The following RALGPS1 variants were observed in gnomAD, a reference collection of about 807,000 sequenced individuals.
RALGPS1 encodes the protein ras-specific guanine nucleotide-releasing factor RalGPS1.
Under a neutral mutation model 78.8 loss-of-function variants are expected in RALGPS1, and 19 were observed. That is an observed-to-expected ratio of 0.24 (90% CI 0.17 to 0.35). The LOEUF (loss-of-function observed/expected upper bound fraction) is 0.35, where lower values mean the gene tolerates loss of function less well. Ranked by LOEUF, RALGPS1 falls within the 10% of genes least tolerant of loss-of-function variation. The pLI is 1.00. For missense variants in RALGPS1, 454 were observed against 688.3 expected, an observed-to-expected ratio of 0.66 and a Z score of 3.81; for synonymous variants, 228 against 256.3, an observed-to-expected ratio of 0.89 and a Z score of 1.06.
rs1326305632 is a variant in RALGPS1, at chr9:127,066,088, T to G, written c.484-3142T>G. Among the ~76,000 whole-genome samples the G allele has an allele frequency of 2.0e-5, 3 of 152,300 alleles. No homozygotes were observed. The East Asian group carries it at 5.8e-4, about 29-fold the overall frequency. ...GCATAGAAGATAGGCTGATCAGCTC[T>G]GAGGTGCTGTCCATACAGGCACTTG... On this transcript the variant is annotated intron_variant, in intron 7 of 18. Transcript: ENST00000259351.
chr9:127,045,762 TACACACACACACAC>T (rs59773981), intron 5 of RALGPS1, among the ~76,000 whole-genome samples: 21 of 137,148 alleles, frequency 1.5e-4, no homozygotes, highest in East Asian at 1.3e-3. Flanking sequence ...CACACACACA[TACACACACACACAC>T]ACACACACAC....
chr9:127,030,655 A>G (rs2046351545), intron 4 of RALGPS1, among the ~76,000 whole-genome samples: 1 of 151,962 alleles, frequency 6.6e-6, no homozygotes, highest in Admixed American at 6.6e-5. Flanking sequence ...TGTTATTAAT[A>G]TTAATGGGAG....
intron 8 of RALGPS1, chr9:127,079,642 C>T (rs1383768864): frequency 6.6e-6 from 1 of 152,118 alleles, no homozygotes; most frequent in East Asian, 1.9e-4. Context: ...TGAAGAGGCC[C>T]GTGTGGCACG....
At chr9:127,076,257 T>A (rs2050673266) in intron 8 of RALGPS1, among the ~76,000 whole-genome samples, 1 of 152,100 alleles carries the variant, frequency 6.6e-6, no homozygotes, top group Non-Finnish European at 1.5e-5. Flanking sequence ...ATTTAGGGGG[T>A]GTTTTGTTCT....
At chr9:127,177,699 T>C (rs1337501977) in intron 11 of RALGPS1, among the ~76,000 whole-genome samples, 1 of 152,116 alleles carries the variant, frequency 6.6e-6, no homozygotes, top group Non-Finnish European at 1.5e-5. Context: ...AAAGTGCTAA[T>C]TGGGGGCCTC....
At chr9:127,121,690 C>A (rs1036399772) in intron 8 of RALGPS1, among the ~76,000 whole-genome samples, 2 of 152,248 alleles carry the variant, frequency 1.3e-5, no homozygotes, top group Non-Finnish European at 2.9e-5. Context: ...TTGGCCACAT[C>A]CACTCAGTTG....
chr9:127,163,702 C>T (rs2059144113), intron 8 of RALGPS1, among the ~76,000 whole-genome samples: 1 of 152,234 alleles, frequency 6.6e-6, no homozygotes, highest in Non-Finnish European at 1.5e-5. Context: ...GAGCAAGTTA[C>T]ACATCCTCTC....
intron 4 of RALGPS1, among the ~76,000 whole-genome samples, chr9:127,029,716 T>C (rs552149145): frequency 6.6e-6 from 1 of 152,222 alleles, no homozygotes; most frequent in African/African-American, 2.4e-5. Context: ...ATGGCCTAGA[T>C]GCCGTGGGGG....
chr9:127,198,804 C>T (rs2061470163), intron 13 of RALGPS1, among the ~76,000 whole-genome samples: 1 of 152,180 alleles, frequency 6.6e-6, no homozygotes, highest in Admixed American at 6.5e-5. Flanking sequence ...GGGAAGGTAG[C>T]AGAGGACCTG....
intron 8 of RALGPS1, among the ~76,000 whole-genome samples, chr9:127,134,601 A>G (rs2057267380): frequency 6.6e-6 from 1 of 152,212 alleles, no homozygotes; most frequent in Non-Finnish European, 1.5e-5. Flanking sequence ...ACAGATGAGG[A>G]AACCGAGCCC....
chr9:126,919,308 G>A (rs1361692143), intron 1 of RALGPS1, among the ~76,000 whole-genome samples: 1 of 152,114 alleles, frequency 6.6e-6, no homozygotes, highest in Non-Finnish European at 1.5e-5. Flanking sequence ...TTGGTTAGCA[G>A]TCATTGTTTA....
intron 11 of RALGPS1, chr9:127,178,102 C>A: frequency 2.8e-6 from 3 of 1,085,920 alleles, no homozygotes; most frequent in Non-Finnish European, 3.8e-6. Context: ...GTTACCAATC[C>A]CAGGGATGGC....
intron 9 of RALGPS1, 70 bp downstream of exon 9, chr9:127,166,276 C>A: frequency 6.5e-7 from 1 of 1,548,614 alleles, no homozygotes; most frequent in Non-Finnish European, 8.8e-7. Flanking sequence ...AGTGAGAAAG[C>A]TCTAGAAACC....
At chr9:127,147,299 G>A (rs942585822) in intron 8 of RALGPS1, among the ~76,000 whole-genome samples, 2 of 152,136 alleles carry the variant, frequency 1.3e-5, no homozygotes, top group African/African-American at 2.4e-5. Flanking sequence ...TGCATAATTT[G>A]TGAATATCAT....
intron 11 of RALGPS1, among the ~76,000 whole-genome samples, chr9:127,188,191 A>G (rs927202408): frequency 1.3e-5 from 2 of 150,432 alleles, no homozygotes; most frequent in African/African-American, 4.9e-5. Flanking sequence ...CCTCCTGAGT[A>G]GCTGGGACTA....
Position 127,212,385 on chromosome 9 carries a change from C to G in RALGPS1, c.1353+149C>G. ...GCGAGCTGAACTCTCAGGAATTATA[C>G]CTGACACTGCCGTAAAATGAACAAA... On this transcript the variant is annotated intron_variant, in intron 15 of 18. Transcript: ENST00000259351. This position sits in a 1 kb window ranked among gnomAD's most constrained non-coding sequence, Gnocchi z 6.0. 1 of 676,744 alleles carries G rather than the reference C, an allele frequency of 1.5e-6. No homozygotes were observed. Among genetic ancestry groups the G allele is most frequent in the Non-Finnish European group, 2.5e-6 (1 of 403,232 alleles). 41.9% of individuals were successfully genotyped at this position (676,744 alleles called of 1,614,324 possible). A position where few individuals can be genotyped will look rare whatever the true frequency, so the allele number is the denominator to read the frequency against.
chr9:127,002,015 A>T (rs1034362230), intron 4 of RALGPS1, among the ~76,000 whole-genome samples: 1 of 152,232 alleles, frequency 6.6e-6, no homozygotes, highest in Non-Finnish European at 1.5e-5. Context: ...CAGGTACACA[A>T]ATCTTAAGGC....
intron 4 of RALGPS1, among the ~76,000 whole-genome samples, chr9:126,981,597 A>G (rs1290019663): frequency 6.6e-6 from 1 of 152,188 alleles, no homozygotes; most frequent in African/African-American, 2.4e-5. Context: ...CTGAGCATTT[A>G]CTGTGTGCAG....
intron 10 of RALGPS1, among the ~76,000 whole-genome samples, chr9:127,170,752 A>G (rs2059529644): frequency 6.6e-6 from 1 of 152,258 alleles, no homozygotes; most frequent in Non-Finnish European, 1.5e-5. Flanking sequence ...AATCATGAGT[A>G]ATTACTCCTT....
Sources: allele counts gnomAD v4.1 joint callset (sites outside exome capture counted in the v4.1 genomes callset), GRCh38; gene constraint gnomAD v4.1.1; non-coding constraint Gnocchi (gnomAD v3.1); transcripts MANE v1.5; gene names NCBI Gene and HGNC (gene_info 2026-07-23, HGNC 2026-07-21).